Variants in HPD observed in about 807,000 individuals in gnomAD.
The protein encoded by HPD is 4-hydroxyphenylpyruvic acid oxidase.
In HPD, 35 loss-of-function variants were observed where a neutral mutation model predicts 56.9. The ratio of observed to expected loss-of-function variants is 0.62; its 90% CI spans 0.47 to 0.82. The LOEUF (loss-of-function observed/expected upper bound fraction) is 0.82, where lower values mean the gene tolerates loss of function less well. Among genes scored for constraint, HPD ranks in the 40% least tolerant of loss-of-function variants. The probability of loss-of-function intolerance (pLI) is 0.00; values close to 1 mark genes in which losing one functional copy is unlikely to be tolerated. For synonymous variants in HPD, 186 were observed against 200.2 expected, an observed-to-expected ratio of 0.93 and a Z score of 0.60; for missense variants, 442 against 506.8, an observed-to-expected ratio of 0.87 and a Z score of 1.23.
chr12:121,849,096 G>C lies in HPD; in HGVS notation c.519-20C>G. On this transcript the variant is annotated intron_variant, in intron 8 of 13. Transcript: ENST00000289004. Reference sequence around the variant, plus strand: ...TTGGGCCTGGGAAGGGAAGAAGATGGGGGTGAGAAGGTGGCTACCCCCCAG... The same window carrying C: ...TTGGGCCTGGGAAGGGAAGAAGATGCGGGTGAGAAGGTGGCTACCCCCCAG... 1.3e-6 allele frequency: 2 copies of C among 1,572,314 alleles called. No homozygotes were observed. The highest frequency in any genetic ancestry group is 1.3e-5 in the African/African-American group (1 of 74,146).
At chr12:121,859,371 T>G (rs11043218), upstream of HPD, among the ~76,000 whole-genome samples, 15 of 151,974 alleles carry the variant, frequency 9.9e-5, no homozygotes, top group South Asian at 3.1e-3. Context: ...AAAACAGGAA[T>G]GAGAATAGTG....
At chr12:121,874,816 C>T in the HPD span, among the ~76,000 whole-genome samples, 7 of 151,056 alleles carry the variant, frequency 4.6e-5, no homozygotes, top group African/African-American at 1.7e-4. Flanking sequence ...GGCTGGAGTG[C>T]AATGGCACGA....
In HPD at chr12:121,857,377, AG is replaced by A. The variant is rs1294210561; in HGVS notation, c.148del (p.Leu50TrpfsTer12). The A allele has an allele frequency of 6.2e-7, 1 of 1,614,092 alleles. No homozygotes were observed. Among genetic ancestry groups the A allele is most frequent in the East Asian group, 2.2e-5 (1 of 44,884 alleles). ...GACCACCTCCCGGGAACCGGTCTCC[AG>A]GCCCCTGTAGGCTAGAGGTTCAAAG... ...MGFEPLAYRG[L>X]ETGSREVVSH... On this transcript the variant is annotated frameshift_variant, in exon 4 of 14. Transcript: ENST00000289004. LOFTEE classifies it high-confidence loss of function.
intron 10 of HPD, 22 bp from the exon 11 acceptor site, chr12:121,846,955 A>G (rs773372543): frequency 6.2e-7 from 1 of 1,613,668 alleles, no homozygotes; most frequent in South Asian, 1.1e-5. Flanking sequence ...AAACAAGGAG[A>G]CCACTGTCAT....
the HPD span, among the ~76,000 whole-genome samples, chr12:121,873,286 C>T: frequency 9.8e-5 from 15 of 152,302 alleles, no homozygotes; most frequent in East Asian, 2.9e-3. Context: ...CACCTCCTAT[C>T]GGATCTGCCT....
chr12:121,849,621 G>A (rs1019331885), intron 8 of HPD, 66 bp downstream of exon 8: 4 of 1,046,860 alleles, frequency 3.8e-6, no homozygotes, highest in Non-Finnish European at 6.0e-6. Context: ...GGACATGGAG[G>A]AAGGGGCATT....
upstream of HPD, among the ~76,000 whole-genome samples, chr12:121,862,923 G>A (rs1474461531): frequency 2.0e-5 from 3 of 150,540 alleles, no homozygotes; most frequent in Non-Finnish European, 3.0e-5. Flanking sequence ...CTCGTGATTC[G>A]CTCGCCTTGG....
intron 12 of HPD, among the ~76,000 whole-genome samples, chr12:121,842,582 C>T (rs1002561280): frequency 1.3e-5 from 2 of 151,770 alleles, no homozygotes; most frequent in African/African-American, 2.4e-5. Context: ...CAGATCACCA[C>T]GCACAGCTAA....
Position 121,849,014 on chromosome 12 carries a change from A to G in HPD, c.581T>C (p.Val194Ala). The change falls in exon 9 of 14, where the codon GTG becomes GCG. Residue 194 changes from valine to alanine, a missense_variant. Transcript: ENST00000289004. ...IVGNQPDQEM[V>A]SASEWYLKNL... ...AAGGTCTCACCATTCGGAGGCGGAC[A>G]CCATCTCCTGATCAGGCTGGTTTCC... 6.2e-7 allele frequency: 1 copy of G among 1,613,584 alleles called. No homozygotes were observed. The highest frequency in any genetic ancestry group is 8.5e-7 in the Non-Finnish European group (1 of 1,179,702).
chr12:121,858,867 G>T, upstream of HPD: 1 of 1,613,038 alleles, frequency 6.2e-7, no homozygotes. Context: ...GAGGCCTGGG[G>T]AGTGCTGGGC....
chr12:121,874,681 C>T, the HPD span, among the ~76,000 whole-genome samples: 4 of 152,012 alleles, frequency 2.6e-5, no homozygotes, highest in East Asian at 7.7e-4. Flanking sequence ...GATTTTAAGG[C>T]ATTAACATCC....
chr12:121,879,604 G>A, the HPD span, among the ~76,000 whole-genome samples: 1 of 151,832 alleles, frequency 6.6e-6, no homozygotes, highest in Admixed American at 6.6e-5. Context: ...TTAAACTCCT[G>A]GGCTCAAGGG....
At chr12:121,883,491 C>G in the HPD span, among the ~76,000 whole-genome samples, 1 of 151,684 alleles carries the variant, frequency 6.6e-6, no homozygotes, top group African/African-American at 2.4e-5. Context: ...TGAAGGCAGT[C>G]ACAGGATAGA....
the HPD span, among the ~76,000 whole-genome samples, chr12:121,880,822 T>G: frequency 6.6e-6 from 1 of 151,980 alleles, no homozygotes; most frequent in East Asian, 1.9e-4. Context: ...TTTTCAAGGG[T>G]CTCAATCTGT....
At chr12:121,851,499 A>G (rs68055743) in intron 7 of HPD, among the ~76,000 whole-genome samples, 56,211 of 150,158 alleles carry the variant, frequency 0.37, 10,912 homozygotes, top group African/African-American at 0.44. Flanking sequence ...GGCGCCTGTC[A>G]TGCCCAGCTA....
chr12:121,860,344 G>A (rs1325445938), upstream of HPD, among the ~76,000 whole-genome samples: 1 of 152,162 alleles, frequency 6.6e-6, no homozygotes, highest in African/African-American at 2.4e-5. Context: ...CCTGGAGCCT[G>A]CCCTGGCTTA....
chr12:121,853,178 G>A (rs1369391133), intron 7 of HPD, among the ~76,000 whole-genome samples: 1 of 152,118 alleles, frequency 6.6e-6, no homozygotes, highest in African/African-American at 2.4e-5. Flanking sequence ...CCTGTCAGGT[G>A]GGGGAGGTCG....
At chr12:121,880,271 C>T in the HPD span, among the ~76,000 whole-genome samples, 5 of 151,138 alleles carry the variant, frequency 3.3e-5, no homozygotes, top group East Asian at 1.9e-4. Flanking sequence ...GGCATGATCT[C>T]GGCTCATTGC....
chr12:121,855,597 A>G (rs545359193), intron 6 of HPD, among the ~76,000 whole-genome samples: 2 of 152,166 alleles, frequency 1.3e-5, no homozygotes, highest in Admixed American at 6.6e-5. Context: ...GGCGCCTGTA[A>G]TCCCAGCTAC....
Sources: allele counts gnomAD v4.1 joint callset (sites outside exome capture counted in the v4.1 genomes callset), GRCh38; gene constraint gnomAD v4.1.1; transcripts MANE v1.5; gene names NCBI Gene and HGNC (gene_info 2026-07-23, HGNC 2026-07-21).